Variants in STMN2 observed in about 807,000 individuals in gnomAD.
The protein encoded by STMN2 is stathmin-2.
Under a neutral mutation model 24.1 loss-of-function variants are expected in STMN2, and 2 were observed. The ratio of observed to expected loss-of-function variants is 0.08; its 90% CI spans 0.03 to 0.26. The LOEUF is 0.26. Among genes scored for constraint, STMN2 ranks in the 10% least tolerant of loss-of-function variants. The pLI is 1.00. For missense variants in STMN2, 114 were observed against 213.6 expected, an observed-to-expected ratio of 0.53 and a Z score of 2.91; for synonymous variants, 83 against 77.5, an observed-to-expected ratio of 1.07 and a Z score of -0.37.
At chr8:79,638,318 G>A (rs1810013575) in intron 2 of STMN2, among the ~76,000 whole-genome samples, 1 of 152,136 alleles carries the variant, frequency 6.6e-6, no homozygotes, top group South Asian at 2.1e-4. Flanking sequence ...TGAAAAAAGG[G>A]GAAGAAAATA....
At chr8:79,625,361 C>T (rs1809627652) in intron 1 of STMN2, among the ~76,000 whole-genome samples, 2 of 151,970 alleles carry the variant, frequency 1.3e-5, no homozygotes, top group South Asian at 4.2e-4. Flanking sequence ...TGTGATTGTG[C>T]CAAGTATCTT....
At chr8:79,620,967 C>T in intron 1 of STMN2, 1 of 985,130 alleles carries the variant, frequency 1.0e-6, no homozygotes, top group Non-Finnish European at 1.2e-6. Context: ...ACAGCAGTGA[C>T]CTGTAGGGTC....
chr8:79,642,915 T>C (rs1349648137), intron 3 of STMN2, among the ~76,000 whole-genome samples: 1 of 148,774 alleles, frequency 6.7e-6, no homozygotes. Flanking sequence ...ATTACAATGG[T>C]AATTGGTATA....
At chr8:79,641,106 T>C (rs1006166365) in intron 2 of STMN2, among the ~76,000 whole-genome samples, 5 of 152,216 alleles carry the variant, frequency 3.3e-5, no homozygotes, top group African/African-American at 1.2e-4. Flanking sequence ...TATTTTTATC[T>C]AAGTATGCTT....
intron 2 of STMN2, among the ~76,000 whole-genome samples, chr8:79,638,934 T>C (rs1338197107): frequency 6.6e-6 from 1 of 152,162 alleles, no homozygotes; most frequent in African/African-American, 2.4e-5. Flanking sequence ...TTTTATAAAA[T>C]TGTATTTAAA....
Position 79,664,873 on chromosome 8 carries a change from G to A in STMN2, c.539G>A (p.Ter180=), listed in dbSNP as rs1290627138. Residue 180 remains the stop codon, a stop_retained_variant, in exon 5 of 5, where the codon TGA becomes TAA. Transcript: ENST00000220876. ...GAACTCCAGGTTGAACTGTCTGGCT[G>A]AAGCAAGGGAGGGTCTGGCACGCCC... ...NKELQVELSG[*] 1.2e-6 allele frequency: 2 copies of A among 1,612,642 alleles called. No homozygotes were observed. The highest frequency in any genetic ancestry group is 4.5e-5 in the East Asian group (2 of 44,766).
In STMN2 at chr8:79,636,911, G is replaced by T; in HGVS notation, c.115+14G>T. On this transcript the variant is annotated intron_variant, in intron 2 of 4. Coordinates refer to ENST00000220876, the MANE Select transcript of STMN2 (RefSeq NM_007029.4). ...ATACTTACGATGGTGAGTAACCTAG[G>T]ATAGACATACCCCTGCTAGCTAGAT... The T allele has an allele frequency of 6.2e-7, 1 of 1,609,972 alleles. No homozygotes were observed.
At chr8:79,652,620 G>A (rs1438428979) in intron 3 of STMN2, among the ~76,000 whole-genome samples, 1 of 151,860 alleles carries the variant, frequency 6.6e-6, no homozygotes, top group Non-Finnish European at 1.5e-5. Flanking sequence ...TCATCTCCTT[G>A]TCACAAGTGT....
chr8:79,612,903 C>T (rs1422166328), intron 1 of STMN2, among the ~76,000 whole-genome samples: 4 of 152,140 alleles, frequency 2.6e-5, no homozygotes, highest in East Asian at 1.9e-4. Flanking sequence ...CAGTCCACAA[C>T]GGCCCGAGCA....
intron 1 of STMN2, among the ~76,000 whole-genome samples, chr8:79,625,695 C>T (rs565177091): frequency 5.3e-5 from 8 of 152,314 alleles, no homozygotes; most frequent in East Asian, 1.9e-4. Context: ...CAGTGGCTCA[C>T]GCCTGTAATC....
chr8:79,651,490 G>A (rs1469559053), intron 3 of STMN2, among the ~76,000 whole-genome samples: 1 of 152,170 alleles, frequency 6.6e-6, no homozygotes, highest in African/African-American at 2.4e-5. Flanking sequence ...CAGATCAAAT[G>A]TGTCCCACCA....
intron 1 of STMN2, among the ~76,000 whole-genome samples, chr8:79,614,276 G>A (rs11996807): frequency 0.35 from 53,724 of 152,004 alleles, 9,570 homozygotes; most frequent in South Asian, 0.41. Flanking sequence ...AATTATCAGG[G>A]CGAGTGCTTT....
At chr8:79,618,875 A>AT (rs1028340862) in intron 1 of STMN2, among the ~76,000 whole-genome samples, 4 of 152,200 alleles carry the variant, frequency 2.6e-5, no homozygotes, top group African/African-American at 4.8e-5. Context: ...ATATTATACT[A>AT]TAAAACCATA....
At position 79,657,963 on chromosome 8, in the gene STMN2, C is replaced by T. The variant is rs536719860; in HGVS notation, c.480+2901C>T. ...AAGCCAAAAGGCATGACACTGCCAA[C>T]GTAACATAAGCTGCTCTGAAATCTA... On this transcript the variant is annotated intron_variant, in intron 4 of 4. Coordinates refer to ENST00000220876, the MANE Select transcript of STMN2 (RefSeq NM_007029.4). 5.9e-5 allele frequency among the ~76,000 whole-genome samples: 9 copies of T among 152,248 alleles called. No individual in the cohort carries two copies. The South Asian group carries it at 1.2e-3, about 21-fold the overall frequency.
chr8:79,642,206 G>A (rs1585897460), intron 3 of STMN2, among the ~76,000 whole-genome samples: 2 of 152,022 alleles, frequency 1.3e-5, no homozygotes, highest in East Asian at 3.9e-4. Context: ...TTCTCTTTTT[G>A]CCATTGGTCC....
chr8:79,619,133 T>C (rs1809453113), intron 1 of STMN2, among the ~76,000 whole-genome samples: 1 of 152,158 alleles, frequency 6.6e-6, no homozygotes, highest in Non-Finnish European at 1.5e-5. Flanking sequence ...CAGTTATTCT[T>C]CTGGAATAAT....
In STMN2 at chr8:79,651,811, G is replaced by C. The variant is rs773447040; in HGVS notation, c.289-3060G>C. On this transcript the variant is annotated intron_variant, in intron 3 of 4. Coordinates refer to ENST00000220876, the MANE Select transcript of STMN2 (RefSeq NM_007029.4). ...CCTGGCCATGAAGTCCATCTCAAAGGGCCAGGCTCAGCAAAGCAGGATGCA... is the reference window on the plus strand; with the variant it reads ...CCTGGCCATGAAGTCCATCTCAAAGCGCCAGGCTCAGCAAAGCAGGATGCA... Among the ~76,000 whole-genome samples the C allele has an allele frequency of 2.6e-5, 4 of 152,268 alleles. No individual in the cohort carries two copies. In the South Asian group the frequency reaches 8.3e-4, roughly 32 times the overall value.
chr8:79,618,478 T>A (rs948944855), intron 1 of STMN2, among the ~76,000 whole-genome samples: 1 of 152,244 alleles, frequency 6.6e-6, no homozygotes, highest in East Asian at 1.9e-4. Context: ...AGTTTTAACA[T>A]TTTGTTGAAT....
chr8:79,634,578 A>G (rs1809895414), intron 1 of STMN2, among the ~76,000 whole-genome samples: 1 of 152,238 alleles, frequency 6.6e-6, no homozygotes. Flanking sequence ...TAGAGCTAGA[A>G]GAAAGCCTTC....
Sources: allele counts gnomAD v4.1 joint callset (sites outside exome capture counted in the v4.1 genomes callset), GRCh38; gene constraint gnomAD v4.1.1; transcripts MANE v1.5; gene names NCBI Gene and HGNC (gene_info 2026-07-23, HGNC 2026-07-21).